The following MUSK variants were observed in gnomAD, a reference collection of about 807,000 sequenced individuals.
MUSK encodes muscle associated receptor tyrosine kinase, also known as muscle, skeletal receptor tyrosine-protein kinase.
MUSK carries 55 observed loss-of-function variants against 88.7 expected under a neutral mutation model. The observed-to-expected ratio is 0.62, with a 90% confidence interval of 0.50 to 0.78. The LOEUF is 0.78. MUSK is among the 30% of genes least tolerant of loss of function. The pLI, the probability that MUSK is intolerant of heterozygous loss-of-function variation, is 0.00. For missense variants in MUSK, 1,015 were observed against 1,074.3 expected, an observed-to-expected ratio of 0.94 and a Z score of 0.77; for synonymous variants, 387 against 391.9, an observed-to-expected ratio of 0.99 and a Z score of 0.15.
At chr9:110,775,697 A>C in intron 9 of MUSK, 91 bp from the exon 10 acceptor site, 1 of 1,186,886 alleles carries the variant, frequency 8.4e-7, no homozygotes, top group Non-Finnish European at 1.3e-6. Flanking sequence ...TACCATGATG[A>C]TGTCTTGAAA....
At chr9:110,757,613 A>G (rs574916246) in intron 7 of MUSK, among the ~76,000 whole-genome samples, 75 of 151,554 alleles carry the variant, frequency 4.9e-4, no homozygotes, top group African/African-American at 1.7e-3. Flanking sequence ...TGTTCCAGTC[A>G]TTTTGAACAC....
At position 110,805,839 on chromosome 9, in the gene MUSK, T is replaced by TTAA. The variant is rs35507394; in HGVS notation, c.*4852_*4854dup. ...TAATTTACATATATTTGCATCAATA[T>TTAA]TAAGTTCATAAAATTAAAAGTTTAT... On this transcript the variant is annotated 3_prime_UTR_variant, in exon 15 of 15. Transcript: ENST00000374448. Among the ~76,000 whole-genome samples, 127,222 of 151,728 alleles carry TTAA rather than the reference T, an allele frequency of 0.84. 53,730 individuals are homozygous for TTAA. The highest frequency in any genetic ancestry group is 0.94 in the African/African-American group (38,913 of 41,482).
At chr9:110,686,795 T>C (rs1381795972) in intron 2 of MUSK, among the ~76,000 whole-genome samples, 2 of 152,156 alleles carry the variant, frequency 1.3e-5, no homozygotes, top group South Asian at 2.1e-4. Flanking sequence ...CCAGAACTTA[T>C]TGGGAGAAGA....
At chr9:110,772,447 T>C (rs2077591314) in intron 9 of MUSK, among the ~76,000 whole-genome samples, 2 of 152,040 alleles carry the variant, frequency 1.3e-5, no homozygotes, top group East Asian at 1.9e-4. Context: ...AGTAGTTTTA[T>C]TGGGAAAATG....
intron 5 of MUSK, among the ~76,000 whole-genome samples, chr9:110,728,081 T>C (rs2076911122): frequency 6.6e-6 from 1 of 152,132 alleles, no homozygotes; most frequent in Admixed American, 6.6e-5. Context: ...CCTGTGGACC[T>C]TACTTCCTTA....
chr9:110,692,492 C>G (rs1444972476), intron 3 of MUSK, among the ~76,000 whole-genome samples: 1 of 152,014 alleles, frequency 6.6e-6, no homozygotes. Context: ...CCTTTTTGAT[C>G]TAAAGACCAA....
At chr9:110,722,972 T>C (rs1303380379) in intron 5 of MUSK, among the ~76,000 whole-genome samples, 2 of 152,088 alleles carry the variant, frequency 1.3e-5, no homozygotes, top group Non-Finnish European at 2.9e-5. Flanking sequence ...AACAGTGTGG[T>C]GATTCTTTAA....
At chr9:110,674,398 C>A (rs970485621) in intron 1 of MUSK, among the ~76,000 whole-genome samples, 2 of 152,086 alleles carry the variant, frequency 1.3e-5, no homozygotes, top group African/African-American at 2.4e-5. Flanking sequence ...ATAACAATCA[C>A]CTCTCAAAAT....
intron 3 of MUSK, 104 bp downstream of exon 3, chr9:110,687,372 T>C (rs1021514109): frequency 2.2e-6 from 3 of 1,363,742 alleles, no homozygotes; most frequent in Non-Finnish European, 3.0e-6. Flanking sequence ...TCTCACTCTG[T>C]TGCTCAGGCT....
chr9:110,754,533 G>A (rs1315680819), intron 7 of MUSK, among the ~76,000 whole-genome samples: 1 of 152,120 alleles, frequency 6.6e-6, no homozygotes, highest in Non-Finnish European at 1.5e-5. Context: ...TCCTATAGAA[G>A]CTCATTATCC....
chr9:110,686,546 A>G (rs1434402740), intron 2 of MUSK, among the ~76,000 whole-genome samples: 1 of 152,122 alleles, frequency 6.6e-6, no homozygotes, highest in African/African-American at 2.4e-5. Flanking sequence ...TGGTTTGCAT[A>G]TAATTAAATA....
rs1564268568 is a variant in MUSK at position 110,755,939 on chromosome 9, T to TATATATACACATATATATAAC, written c.914-6256_914-6255insCACATATATATAACATATATA. Among the ~76,000 whole-genome samples, 4 of 71,214 alleles carry TATATATACACATATATATAAC rather than the reference T, an allele frequency of 5.6e-5. No individual in the cohort carries two copies. In the South Asian group the frequency reaches 1.9e-3, roughly 33 times the overall value. The allele number at this position is 71,214 out of a possible 152,430, so 46.7% of individuals were successfully genotyped here. On this transcript the variant is annotated intron_variant, in intron 7 of 14. Coordinates refer to ENST00000374448, the MANE Select transcript of MUSK (RefSeq NM_005592.4). Reference sequence around the variant, plus strand: ...CCAGTGCCATATATATATACATATATATATATATATACACATATATATATA... The same window carrying TATATATACACATATATATAAC: ...CCAGTGCCATATATATATACATATATATATATACACATATATATAACATATATATATACACATATATATATA...
chr9:110,696,483 G>A (rs2076432283), intron 4 of MUSK, among the ~76,000 whole-genome samples: 1 of 151,962 alleles, frequency 6.6e-6, no homozygotes, highest in Non-Finnish European at 1.5e-5. Context: ...TCAATTAACT[G>A]AACTAAGGTA....
At chr9:110,725,901 GA>G (rs1028614816) in intron 5 of MUSK, among the ~76,000 whole-genome samples, 37 of 152,092 alleles carry the variant, frequency 2.4e-4, no homozygotes, top group African/African-American at 8.7e-4. Flanking sequence ...AATAAGTTCA[GA>G]AGTCAAGAGT....
At chr9:110,706,175 C>A (rs747812927) in intron 5 of MUSK, 1 of 481,994 alleles carries the variant, frequency 2.1e-6, no homozygotes, top group African/African-American at 2.0e-5. Context: ...AATGATAAAA[C>A]AAAAATAAAT....
intron 3 of MUSK, among the ~76,000 whole-genome samples, chr9:110,689,420 A>G (rs1394852656): frequency 9.0e-6 from 1 of 110,928 alleles, no homozygotes; most frequent in Non-Finnish European, 1.6e-5. Flanking sequence ...ATTTATATAT[A>G]ATATATGTAA....
intron 1 of MUSK, among the ~76,000 whole-genome samples, chr9:110,672,454 G>A (rs1257427323): frequency 6.6e-6 from 1 of 152,110 alleles, no homozygotes; most frequent in Non-Finnish European, 1.5e-5. Context: ...TGAACATAGG[G>A]TAGGGAGGAC....
In MUSK at chr9:110,740,975, G is replaced by A. The variant is rs1242078832; in HGVS notation, c.753+6600G>A. Among the ~76,000 whole-genome samples the A allele has an allele frequency of 2.6e-5, 4 of 152,272 alleles. No homozygotes were observed. In the East Asian group the frequency reaches 7.7e-4, roughly 29 times the overall value. ...AGAAGCACAGAATAGAATAGTGGCT[G>A]TCAGGGATGGGAGGATGGGGAGATG... On this transcript the variant is annotated intron_variant, in intron 6 of 14. Coordinates refer to ENST00000374448, the MANE Select transcript of MUSK (RefSeq NM_005592.4).
At chr9:110,783,382 A>G (rs1371876354) in intron 11 of MUSK, among the ~76,000 whole-genome samples, 1 of 152,100 alleles carries the variant, frequency 6.6e-6, no homozygotes, top group Non-Finnish European at 1.5e-5. Flanking sequence ...TGTCTTTTAT[A>G]ATGTGATGAC....
Sources: gnomAD v4.1 joint callset for allele counts (sites outside exome capture counted in the v4.1 genomes callset) on GRCh38, gnomAD v4.1.1 for gene constraint, MANE v1.5 for transcripts, NCBI Gene and HGNC (gene_info 2026-07-23, HGNC 2026-07-21) for gene names.